The following MYORG variants were observed in gnomAD, a reference collection of about 807,000 sequenced individuals.
MYORG encodes alpha-galactosidase MYORG.
A neutral mutation model predicts 49.8 loss-of-function variants in MYORG; 45 were observed. That is an observed-to-expected ratio of 0.90 (90% CI 0.71 to 1.16). The LOEUF (loss-of-function observed/expected upper bound fraction) is 1.16, where lower values mean the gene tolerates loss of function less well. Ranked by LOEUF, MYORG falls within the 50% of genes most tolerant of loss-of-function variation. MYORG has a pLI of 0.00. For missense variants in MYORG, 1,110 were observed against 1,026.5 expected, an observed-to-expected ratio of 1.08 and a Z score of -1.11; for synonymous variants, 552 against 462.9, an observed-to-expected ratio of 1.19 and a Z score of -2.47.
At position 34,367,999 on chromosome 9, in the gene MYORG, A is replaced by C. The variant is rs1445717330; in HGVS notation, c.*2800T>G. ...CATACATTCTCTGAAATCTAGGCAGAGGTTCCCAAACCTCAGTTCTTGACT... is the reference window on the plus strand; with the variant it reads ...CATACATTCTCTGAAATCTAGGCAGCGGTTCCCAAACCTCAGTTCTTGACT... On this transcript the variant is annotated 3_prime_UTR_variant, in exon 2 of 2. Transcript: ENST00000297625. 1 of 152,376 alleles carries C rather than the reference A, an allele frequency of 6.6e-6. No individual in the cohort carries two copies. Among genetic ancestry groups the C allele is most frequent in the African/African-American group, 2.4e-5 (1 of 41,596 alleles). 9.4% of individuals were successfully genotyped at this position (152,376 alleles called of 1,614,324 possible). A position where few individuals can be genotyped will look rare whatever the true frequency, so the allele number is the denominator to read the frequency against.
intron 1 of MYORG, among the ~76,000 whole-genome samples, chr9:34,373,460 C>CT (rs552003334): frequency 3.9e-4 from 58 of 150,016 alleles, no homozygotes; most frequent in African/African-American, 7.3e-4. Flanking sequence ...CTCCTTGAGA[C>CT]TTTTTTTTTT....
In MYORG at chr9:34,371,279, G is replaced by T; in HGVS notation, c.1665C>A (p.Gly555=). 2 of 1,609,838 alleles carry T rather than the reference G, an allele frequency of 1.2e-6. No homozygotes were observed. The highest frequency in any genetic ancestry group is 1.7e-4 in the Middle Eastern group (1 of 6,058). The change falls in exon 2 of 2, where the codon GGC becomes GGA. Residue 555 remains glycine, a synonymous_variant. Transcript: ENST00000297625. The stretch of plus-strand genomic sequence containing the variant: ...CTGTCCGCTGGGGCACGGCGTTGCC[G>T]CCCACCATATCGGGTAGGATGAATG... ...GYPFILPDMV[G]GNAVPQRTAG...
rs1357756896 is a variant in MYORG at position 34,372,422 on chromosome 9, G to A, written c.522C>T (p.His174=). The A allele has an allele frequency of 6.3e-6, 10 of 1,582,236 alleles. No homozygotes were observed. The highest frequency in any genetic ancestry group is 1.7e-4 in the Middle Eastern group (1 of 5,808). Residue 174 remains histidine (H), a synonymous_variant, in exon 2 of 2, where the codon CAC becomes CAT. Coordinates refer to ENST00000297625, the MANE Select transcript of MYORG (RefSeq NM_020702.5). ...CCGCCGCGTCGCCCAAGAACATGGC[G>A]TGCTCCACGGCCCGGCCCGGCGCTG... The part of the protein sequence containing the change: ...EEAAPGRAVE[H]AMFLGDAAAH...
rs573445711 is a variant in MYORG at position 34,376,278 on chromosome 9, C to T, written c.-64+515G>A. On this transcript the variant is annotated intron_variant, in intron 1 of 1. Transcript: ENST00000297625. This position sits in a 1 kb window ranked among gnomAD's most constrained non-coding sequence, Gnocchi z 4.4. ...AGGAAGTCTGTGGTTCCGGTGTTAA[C>T]AGTGGTGCCAGAGACCTCTGTAATC... 2.6e-5 allele frequency among the ~76,000 whole-genome samples: 4 copies of T among 152,318 alleles called. No homozygotes were observed. The East Asian group carries it at 7.7e-4, about 29-fold the overall frequency.
rs1264557260 is a variant in MYORG, at chr9:34,371,873, T to A, written c.1071A>T (p.Thr357=). Residue 357 remains threonine, a synonymous_variant, in exon 2 of 2, where the codon ACA becomes ACT. Coordinates refer to ENST00000297625, the MANE Select transcript of MYORG (RefSeq NM_020702.5). ...SSHLEIDDMY[T]PAYGDFDFDE... ...CGAAGTCGAAGTCGCCATAAGCAGG[T>A]GTGTACATGTCGTCGATTTCCAGGT... 4 of 1,613,932 alleles carry A rather than the reference T, an allele frequency of 2.5e-6. No individual in the cohort carries two copies. In the East Asian group the frequency reaches 8.9e-5, roughly 36 times the overall value.
rs764803641 is a variant in MYORG, at chr9:34,371,916, T to C, written c.1028A>G (p.His343Arg). ...TTCCAGGTGGCTGCTGTTGAAGTGG[T>C]GCAGGCGGATCTGTTGGGCAAAACG... ...VLRFAQQIRLHHFNSSHLEID... is the reference protein window; with the variant it reads ...VLRFAQQIRLRHFNSSHLEID... The change falls in exon 2 of 2, where the codon CAC becomes CGC. Residue 343 changes from histidine (H) to arginine (R), a missense_variant. Coordinates refer to ENST00000297625, the MANE Select transcript of MYORG (RefSeq NM_020702.5). 1 of 1,614,036 alleles carries C rather than the reference T, an allele frequency of 6.2e-7. No individual in the cohort carries two copies. The highest frequency in any genetic ancestry group is 8.5e-7 in the Non-Finnish European group (1 of 1,179,892).
intron 1 of MYORG, among the ~76,000 whole-genome samples, chr9:34,373,933 G>A (rs1820682273): frequency 6.6e-6 from 1 of 152,234 alleles, no homozygotes; most frequent in South Asian, 2.1e-4. Context: ...TTTGGAGGGA[G>A]GTAGAGTTGG....
Position 34,372,349 on chromosome 9 carries a change from G to T in MYORG, c.595C>A (p.Arg199Ser), listed in dbSNP as rs12377. 0.035 allele frequency: 55,420 copies of T among 1,598,822 alleles called. 1,176 individuals are homozygous for T. Among genetic ancestry groups the T allele is most frequent in the Non-Finnish European group, 0.039 (45,381 of 1,174,004 alleles). ...AEMRTQHWPI[R>S]LDGQQEPQPF... ...TGGGGCTCCTGCTGGCCATCCAGGCGGATGGGCCAGTGTTGCGTCCTCATC... is the reference window on the plus strand; with the variant it reads ...TGGGGCTCCTGCTGGCCATCCAGGCTGATGGGCCAGTGTTGCGTCCTCATC... The change falls in exon 2 of 2, where the codon CGC becomes AGC. Residue 199 changes from arginine (R) to serine (S), a missense_variant. Coordinates refer to ENST00000297625, the MANE Select transcript of MYORG (RefSeq NM_020702.5).
intron 1 of MYORG, among the ~76,000 whole-genome samples, chr9:34,375,832 C>G (rs73496911): frequency 0.01 from 1,591 of 152,344 alleles, 25 homozygotes; most frequent in African/African-American, 0.036. Context: ...CCACCCACCC[C>G]AGGCACCATG....
chr9:34,372,999 A>G lies in MYORG; in HGVS notation c.-56T>C. ...GGGGCCATCTGACTGAGTTCATCTCAACCTGCTCTGAAAGGAGGAGACAGA... is the reference window on the plus strand; with the variant it reads ...GGGGCCATCTGACTGAGTTCATCTCGACCTGCTCTGAAAGGAGGAGACAGA... On this transcript the variant is annotated 5_prime_UTR_variant, in exon 2 of 2. Coordinates refer to ENST00000297625, the MANE Select transcript of MYORG (RefSeq NM_020702.5). The G allele has an allele frequency of 6.4e-7, 1 of 1,573,060 alleles. No individual in the cohort carries two copies. The highest frequency in any genetic ancestry group is 1.9e-4 in the Middle Eastern group (1 of 5,316).
In MYORG at chr9:34,372,515, C is replaced by T. The variant is rs1264525251; in HGVS notation, c.429G>A (p.Leu143=). Residue 143 remains leucine, a synonymous_variant, in exon 2 of 2, where the codon CTG becomes CTA. Transcript: ENST00000297625. Reference sequence around the variant, plus strand: ...GCCGCACAGTCTGGATGAAGAAGTGCAGCGGCAGCCCGTCGGCCGTGAGCG... The same window carrying T: ...GCCGCACAGTCTGGATGAAGAAGTGTAGCGGCAGCCCGTCGGCCGTGAGCG... ...GCSLTADGLP[L]HFFIQTVRPK... 7 of 1,600,936 alleles carry T rather than the reference C, an allele frequency of 4.4e-6. No individual in the cohort carries two copies. The Admixed American group carries it at 8.5e-5, about 19-fold the overall frequency.
chr9:34,370,758 T>A lies in MYORG; in HGVS notation c.*41A>T. 1 of 1,523,968 alleles carries A rather than the reference T, an allele frequency of 6.6e-7. No homozygotes were observed. Among genetic ancestry groups the A allele is most frequent in the Non-Finnish European group, 8.8e-7 (1 of 1,130,636 alleles). 94.4% of individuals were successfully genotyped at this position (1,523,968 alleles called of 1,614,324 possible). On this transcript the variant is annotated 3_prime_UTR_variant, in exon 2 of 2. Coordinates refer to ENST00000297625, the MANE Select transcript of MYORG (RefSeq NM_020702.5). The stretch of plus-strand genomic sequence containing the variant: ...TGTGACGGAGGGTTCAAGGTCTGCA[T>A]GAAGACTGGGGGCTTTGCGGTTACC...
rs771258817 is a variant in MYORG, at chr9:34,371,742, C to T, written c.1202G>A (p.Arg401His). Residue 401 changes from arginine (R) to histidine (H), a missense_variant, in exon 2 of 2, where the codon CGC (arginine) becomes CAC (histidine). Coordinates refer to ENST00000297625, the MANE Select transcript of MYORG (RefSeq NM_020702.5). Reference protein sequence around the residue: ...VHPFVNYNSSRFGEGVERELF... With the variant: ...VHPFVNYNSSHFGEGVERELF... ...CTCGCGCTCCACGCCCTCGCCGAAG[C>T]GCGACGAGTTGTAGTTGACAAAAGG... The T allele has an allele frequency of 6.2e-7, 1 of 1,613,010 alleles. No homozygotes were observed. Among genetic ancestry groups the T allele is most frequent in the South Asian group, 1.1e-5 (1 of 90,994 alleles).
At position 34,372,002 on chromosome 9, in the gene MYORG, T is replaced by C; in HGVS notation, c.942A>G (p.Arg314=). The part of the protein sequence containing the change: ...PSRVPAPEAF[R]DPIWSTWALY... ...GCGCCCATGTGGACCAAATGGGGTC[T>C]CGGAAGGCCTCGGGTGCTGGCACCC... The change falls in exon 2 of 2, where the codon CGA becomes CGG. Residue 314 remains arginine, a synonymous_variant. Coordinates refer to ENST00000297625, the MANE Select transcript of MYORG (RefSeq NM_020702.5). 3.1e-6 allele frequency: 5 copies of C among 1,613,982 alleles called. No individual in the cohort carries two copies. Among genetic ancestry groups the C allele is most frequent in the Non-Finnish European group, 4.2e-6 (5 of 1,179,866 alleles).
Position 34,370,686 on chromosome 9 carries a change from A to C in MYORG, c.*113T>G, listed in dbSNP as rs979210696. 2 of 1,380,854 alleles carry C rather than the reference A, an allele frequency of 1.4e-6. No individual in the cohort carries two copies. The highest frequency in any genetic ancestry group is 3.5e-5 in the African/African-American group (2 of 57,620). 85.5% of individuals were successfully genotyped at this position (1,380,854 alleles called of 1,614,324 possible). A position where few individuals can be genotyped will look rare whatever the true frequency, so the allele number is the denominator to read the frequency against. On this transcript the variant is annotated 3_prime_UTR_variant, in exon 2 of 2. Transcript: ENST00000297625. ...AGCACATTTAAGTCAGCAGCCACTT[A>C]ATGGGTGGTATAGAGGTGGGAGGTT...
In MYORG at chr9:34,372,137, T is replaced by A; in HGVS notation, c.807A>T (p.Pro269=). The A allele has an allele frequency of 1.2e-6, 2 of 1,611,626 alleles. No individual in the cohort carries two copies. The highest frequency in any genetic ancestry group is 1.7e-6 in the Non-Finnish European group (2 of 1,179,618). Residue 269 remains proline (P), a synonymous_variant, in exon 2 of 2, where the codon CCA becomes CCT. Coordinates refer to ENST00000297625, the MANE Select transcript of MYORG (RefSeq NM_020702.5). The part of the protein sequence containing the change: ...QARYHDTPYK[P]PAGRAAAPEL... ...CTGGCGCTGCGGCGCGGCCGGCGGG[T>A]GGCTTGTAGGGCGTGTCGTGGTAGC...
At position 34,372,575 on chromosome 9, in the gene MYORG, G is replaced by C. The variant is rs1301838141; in HGVS notation, c.369C>G (p.Asp123Glu). 3.7e-6 allele frequency: 6 copies of C among 1,603,240 alleles called. No homozygotes were observed. The highest frequency in any genetic ancestry group is 2.7e-5 in the African/African-American group (2 of 74,770). ...GCAGGGCGCCATCGCGGCTGCAGGA[G>C]TCAAGGTCCAGCGCGCCGGAGCGGA... is the stretch of plus-strand genomic sequence containing the variant. Reference protein sequence around the residue: ...LAFRSGALDLDSCSRDGALLG... With the variant: ...LAFRSGALDLESCSRDGALLG... The change falls in exon 2 of 2, where the codon GAC becomes GAG. Residue 123 changes from aspartate to glutamate, a missense_variant. Coordinates refer to ENST00000297625, the MANE Select transcript of MYORG (RefSeq NM_020702.5).
Position 34,370,499 on chromosome 9 carries a change from C to T in MYORG, c.*300G>A. The T allele has an allele frequency of 2.9e-6, 1 of 344,662 alleles. No individual in the cohort carries two copies. The allele number at this position is 344,662 out of a possible 1,614,324, so 21.4% of individuals were successfully genotyped here. A position where few individuals can be genotyped will look rare whatever the true frequency, so the allele number is the denominator to read the frequency against. On this transcript the variant is annotated 3_prime_UTR_variant, in exon 2 of 2. Coordinates refer to ENST00000297625, the MANE Select transcript of MYORG (RefSeq NM_020702.5). ...ATAACCATGTATAACAGGAAGAGAG[C>T]TGACCTTTTTCCTCTAAGCTCTCTG...
At chr9:34,373,507 C>G (rs1233059254) in intron 1 of MYORG, among the ~76,000 whole-genome samples, 1 of 152,074 alleles carries the variant, frequency 6.6e-6, no homozygotes, top group Non-Finnish European at 1.5e-5. Flanking sequence ...GACTGGAGTG[C>G]AGTGGCATGA....
Sources: allele counts gnomAD v4.1 joint callset (sites outside exome capture counted in the v4.1 genomes callset), GRCh38; gene constraint gnomAD v4.1.1; non-coding constraint Gnocchi (gnomAD v3.1); transcripts MANE v1.5; gene names NCBI Gene and HGNC (gene_info 2026-07-23, HGNC 2026-07-21).